Variants in BIVM observed in about 807,000 individuals in gnomAD.
BIVM encodes basic, immunoglobulin-like variable motif containing.
Under a neutral mutation model 61.4 loss-of-function variants are expected in BIVM, and 31 were observed. The observed-to-expected ratio is 0.51, with a 90% CI of 0.38 to 0.68. The LOEUF (loss-of-function observed/expected upper bound fraction) is 0.68, where lower values mean the gene tolerates loss of function less well. Ranked by LOEUF, BIVM falls within the 30% of genes least tolerant of loss-of-function variation. The probability of loss-of-function intolerance (pLI) is 0.00; values close to 1 mark genes in which losing one functional copy is unlikely to be tolerated. For missense variants in BIVM, 526 were observed against 596.0 expected (o/e 0.88, Z 1.22); for synonymous variants, 189 against 210.7 (o/e 0.90, Z 0.89).
intron 1 of BIVM, chr13:102,801,396 CG>C (rs1344798578): frequency 5.3e-5 from 8 of 152,104 alleles, no homozygotes; most frequent in African/African-American, 1.7e-4. Flanking sequence ...CCACCATGCA[CG>C]GCTAATTTTG....
chr13:102,817,701 A>G (rs201976307), intron 4 of BIVM, among the ~76,000 whole-genome samples: 2 of 141,514 alleles, frequency 1.4e-5, no homozygotes, highest in Non-Finnish European at 3.1e-5. Flanking sequence ...TTTTTTTTTT[A>G]CTTTTATTAC....
chr13:102,836,371 G>A (rs1002334654), intron 9 of BIVM, among the ~76,000 whole-genome samples: 2 of 152,086 alleles, frequency 1.3e-5, no homozygotes, highest in African/African-American at 2.4e-5. Context: ...AGAGAACAGC[G>A]GTGTGATCAT....
chr13:102,810,133 TC>T (rs1209688388), intron 3 of BIVM, among the ~76,000 whole-genome samples: 4 of 152,280 alleles, frequency 2.6e-5, no homozygotes, highest in South Asian at 4.1e-4. Flanking sequence ...TCATTCCTTC[TC>T]CTCACAGTCC....
chr13:102,831,768 G>A lies in BIVM; in HGVS notation c.1034+71G>A, dbSNP rs776789439. 23 of 1,546,218 alleles carry A rather than the reference G, an allele frequency of 1.5e-5. No homozygotes were observed. The East Asian group carries it at 4.3e-4, about 29-fold the overall frequency. ...AAAATAGATGGGTGCGGTAGCTCAC[G>A]CCTGTAATCCTAGCACTTTGGGAGG... On this transcript the variant is annotated intron_variant, in intron 8 of 10. Transcript: ENST00000257336.
At chr13:102,804,165 G>A (rs1295639664) in intron 1 of BIVM, among the ~76,000 whole-genome samples, 2 of 152,080 alleles carry the variant, frequency 1.3e-5, no homozygotes, top group Non-Finnish European at 2.9e-5. Flanking sequence ...TGTTCGTTTC[G>A]AGACAAGATG....
chr13:102,807,617 C>T lies in BIVM; in HGVS notation c.350C>T (p.Ser117Leu), dbSNP rs776520067. Residue 117 changes from serine to leucine, a missense_variant, in exon 3 of 11, where the codon TCG (serine) becomes TTG (leucine). By Grantham distance (145) the Ser-to-Leu change is moderately radical. This residue lies in a region of BIVM where 312 missense variants were observed against 343.8 expected (regional missense o/e 0.91). Transcript: ENST00000257336. The surrounding 1 kb of genome is among the most constrained non-coding windows in gnomAD (Gnocchi z 4.0). ...TACATTGGTATCCCGACTAGTACATCGGAAATTATCTACAATGAAGAAAAT... is the reference window on the plus strand; with the variant it reads ...TACATTGGTATCCCGACTAGTACATTGGAAATTATCTACAATGAAGAAAAT... ...SRYIGIPTST[S>L]EIIYNEENSL... The T allele has an allele frequency of 4.3e-6, 7 of 1,613,988 alleles. No homozygotes were observed. Among genetic ancestry groups the T allele is most frequent in the East Asian group, 4.5e-5 (2 of 44,896 alleles).
At chr13:102,804,943 G>A (rs985644117) in intron 1 of BIVM, among the ~76,000 whole-genome samples, 2 of 152,138 alleles carry the variant, frequency 1.3e-5, no homozygotes, top group African/African-American at 2.4e-5. Flanking sequence ...TGTGTGAATC[G>A]TCTTCTATTT....
At chr13:102,801,201 G>A (rs1416957882) in intron 1 of BIVM, among the ~76,000 whole-genome samples, 1 of 151,776 alleles carries the variant, frequency 6.6e-6, no homozygotes, top group South Asian at 2.1e-4. Flanking sequence ...TTATGAGTAA[G>A]CTATTAGTTG....
chr13:102,836,549 A>C (rs1420782267), intron 9 of BIVM, among the ~76,000 whole-genome samples: 1 of 152,208 alleles, frequency 6.6e-6, no homozygotes, highest in Non-Finnish European at 1.5e-5. Context: ...CCTGGACTCA[A>C]GTGATCTTAC....
At chr13:102,816,634 A>G in intron 4 of BIVM, 80 bp downstream of exon 4, 1 of 1,217,588 alleles carries the variant, frequency 8.2e-7, no homozygotes, top group Non-Finnish European at 1.1e-6. Context: ...TTACAAATTA[A>G]TACATTATAT....
chr13:102,809,950 T>A (rs1002375756), intron 3 of BIVM, among the ~76,000 whole-genome samples: 1 of 152,134 alleles, frequency 6.6e-6, no homozygotes, highest in Admixed American at 6.5e-5. Context: ...CGTGCCCGGC[T>A]ACTTTTTTGT....
intron 4 of BIVM, among the ~76,000 whole-genome samples, chr13:102,819,470 ATTAGCTTTTGTGTGTCATT>A (rs1220295413): frequency 1.3e-5 from 2 of 152,068 alleles, no homozygotes; most frequent in Non-Finnish European, 1.5e-5. Context: ...AGTGATAGTT[ATTAGCTTTTGTGTGTCATT>A]TTGTGTAGTC....
At chr13:102,837,692 G>T (rs1021183821) in intron 9 of BIVM, among the ~76,000 whole-genome samples, 1 of 152,210 alleles carries the variant, frequency 6.6e-6, no homozygotes, top group African/African-American at 2.4e-5. Context: ...AATGTGGTAT[G>T]TATATTACCA....
intron 7 of BIVM, among the ~76,000 whole-genome samples, chr13:102,830,799 G>A (rs576463769): frequency 6.6e-6 from 1 of 152,272 alleles, no homozygotes; most frequent in African/African-American, 2.4e-5. Context: ...AAGCGAGAAG[G>A]GTTCCTGCTA....
intron 3 of BIVM, among the ~76,000 whole-genome samples, chr13:102,813,008 T>C (rs954212509): frequency 6.6e-6 from 1 of 152,230 alleles, no homozygotes; most frequent in Non-Finnish European, 1.5e-5. Context: ...GGATAGGTAG[T>C]TGTACCTTGC....
Position 102,807,224 on chromosome 13 carries a change from G to A in BIVM, c.-44G>A. ...AGTTGTTTATCAAGAAACAGATAGA[G>A]TTGCAACTTGTTTCTAGTAATAGAA... On this transcript the variant is annotated 5_prime_UTR_variant, in exon 3 of 11. Coordinates refer to ENST00000257336, the MANE Select transcript of BIVM (RefSeq NM_017693.4). The surrounding 1 kb of genome is among the most constrained non-coding windows in gnomAD (Gnocchi z 4.0). The A allele has an allele frequency of 1.3e-6, 2 of 1,533,552 alleles. No individual in the cohort carries two copies. Among genetic ancestry groups the A allele is most frequent in the South Asian group, 1.3e-5 (1 of 78,796 alleles). 95.0% of individuals were successfully genotyped at this position (1,533,552 alleles called of 1,614,324 possible). A position where few individuals can be genotyped will look rare whatever the true frequency, so the allele number is the denominator to read the frequency against.
At chr13:102,804,797 T>C (rs1407714609) in intron 1 of BIVM, among the ~76,000 whole-genome samples, 1 of 152,180 alleles carries the variant, frequency 6.6e-6, no homozygotes, top group East Asian at 1.9e-4. Context: ...AAGCATGCTT[T>C]AAAAGTAAAG....
chr13:102,839,334 A>G (rs539505705), intron 10 of BIVM, among the ~76,000 whole-genome samples: 5 of 152,112 alleles, frequency 3.3e-5, no homozygotes, highest in Non-Finnish European at 7.4e-5. Flanking sequence ...ATGTGTTGGG[A>G]GTGAGTAGTA....
chr13:102,808,957 GT>G (rs1879296865), intron 3 of BIVM, among the ~76,000 whole-genome samples: 1 of 151,990 alleles, frequency 6.6e-6, no homozygotes, highest in African/African-American at 2.4e-5. Flanking sequence ...CTAGCTAGGA[GT>G]TTATCAATTT....
Sources: allele counts gnomAD v4.1 joint callset (sites outside exome capture counted in the v4.1 genomes callset), GRCh38; gene constraint gnomAD v4.1.1; regional missense constraint gnomAD v4.1.1; non-coding constraint Gnocchi (gnomAD v3.1); transcripts MANE v1.5; gene names NCBI Gene and HGNC (gene_info 2026-07-23, HGNC 2026-07-21).